The following SMURF2 variants were observed in gnomAD, a reference collection of about 807,000 sequenced individuals.
SMURF2 encodes SMAD specific E3 ubiquitin protein ligase 2, also known as E3 ubiquitin-protein ligase SMURF2.
Under a neutral mutation model 109.6 loss-of-function variants are expected in SMURF2, and 48 were observed. The ratio of observed to expected loss-of-function variants is 0.44; its 90% confidence interval spans 0.35 to 0.56. The LOEUF is 0.56. Ranked by LOEUF, SMURF2 falls within the 20% of genes least tolerant of loss-of-function variation. The pLI is 0.01. For synonymous variants in SMURF2, 288 were observed against 317.1 expected, an observed-to-expected ratio of 0.91 and a Z score of 0.97; for missense variants, 575 against 909.0, an observed-to-expected ratio of 0.63 and a Z score of 4.72.
In SMURF2 at chr17:64,629,373, G is replaced by A. The variant is rs557384026; in HGVS notation, c.53-22733C>T. On this transcript the variant is annotated intron_variant, in intron 1 of 18. Transcript: ENST00000262435. ...TTTTTAATTAGCCAGGCATGGTGGCGCTTGCCTGTAGTCCCAGCTACCTGG... is the reference window on the plus strand; with the variant it reads ...TTTTTAATTAGCCAGGCATGGTGGCACTTGCCTGTAGTCCCAGCTACCTGG... Among the ~76,000 whole-genome samples the A allele has an allele frequency of 9.9e-5, 15 of 152,174 alleles. No homozygotes were observed. The South Asian group carries it at 2.3e-3, about 23-fold the overall frequency.
chr17:64,566,564 T>TTTTTTTG (rs1555684984), intron 10 of SMURF2, among the ~76,000 whole-genome samples: 2 of 49,432 alleles, frequency 4.0e-5, no homozygotes, highest in Non-Finnish European at 8.7e-5. Flanking sequence ...CTTTCTGGTT[T>TTTTTTTG]TTTTTTTTTT....
Position 64,555,960 on chromosome 17 carries a change from C to T in SMURF2, c.1470G>A (p.Met490Ile). ...LSYFHFVGRI[M>I]GMAVFHGHYI... ...AATGTCCATGAAACACAGCCATTCC[C>T]ATTATTCGTCCAACAAAGTGGAAAT... Residue 490 changes from methionine to isoleucine, a missense_variant, in exon 14 of 19, where the codon ATG (methionine) becomes ATA (isoleucine). Around this residue, in one of 5 missense-constraint regions of SMURF2, gnomAD observed 361 missense variants for 612.1 expected, o/e 0.59. Transcript: ENST00000262435. The T allele has an allele frequency of 6.2e-7, 1 of 1,612,928 alleles. No homozygotes were observed. Among genetic ancestry groups the T allele is most frequent in the Non-Finnish European group, 8.5e-7 (1 of 1,179,374 alleles).
intron 7 of SMURF2, among the ~76,000 whole-genome samples, chr17:64,582,646 C>T (rs565450807): frequency 2.0e-5 from 3 of 152,156 alleles, no homozygotes; most frequent in South Asian, 2.1e-4. Flanking sequence ...TCGCCCAGGC[C>T]GGAGTGCAGT....
intron 1 of SMURF2, among the ~76,000 whole-genome samples, chr17:64,628,079 T>A (rs1402599108): frequency 6.6e-6 from 1 of 152,214 alleles, no homozygotes; most frequent in Non-Finnish European, 1.5e-5. Context: ...GAGAACATAG[T>A]AAGCCCTGGT....
At chr17:64,569,936 C>T (rs1969375189) in intron 10 of SMURF2, among the ~76,000 whole-genome samples, 1 of 152,204 alleles carries the variant, frequency 6.6e-6, no homozygotes, top group African/African-American at 2.4e-5. Flanking sequence ...ACAGTCCATA[C>T]TTCTCTGTTT....
rs1969532386 is a variant in SMURF2, at chr17:64,578,593, C to A, written c.773-17G>T. 6.4e-7 allele frequency: 1 copy of A among 1,555,480 alleles called. No homozygotes were observed. Among genetic ancestry groups the A allele is most frequent in the Non-Finnish European group, 8.9e-7 (1 of 1,126,912 alleles). ...TCCTCTGTTCTGTAAAATTAATAAA[C>A]ACTGATAACAAAAACATTCAGAGTG... On this transcript the variant is annotated splice_polypyrimidine_tract_variant and intron_variant, in intron 8 of 18. Transcript: ENST00000262435.
In SMURF2 at chr17:64,613,672, C is replaced by CTGTGTG. The variant is rs1568195473; in HGVS notation, c.53-7033_53-7032insCACACA. Among the ~76,000 whole-genome samples, 13 of 53,722 alleles carry CTGTGTG rather than the reference C, an allele frequency of 2.4e-4. 1 individual carries two copies. Among genetic ancestry groups the CTGTGTG allele is most frequent in the Admixed American group, 5.9e-4 (2 of 3,400 alleles). 35.2% of individuals were successfully genotyped at this position (53,722 alleles called of 152,430 possible). A position where few individuals can be genotyped will look rare whatever the true frequency, so the allele number is the denominator to read the frequency against. On this transcript the variant is annotated intron_variant, in intron 1 of 18. Transcript: ENST00000262435. Reference sequence around the variant, plus strand: ...CATGGAAGACAAGTTTTCCACGGACCAGTGTGTGTGTGTGTGTGTGTGTGT... The same window carrying CTGTGTG: ...CATGGAAGACAAGTTTTCCACGGACCTGTGTGAGTGTGTGTGTGTGTGTGTGTGTGT...
In SMURF2 at chr17:64,591,530, T is replaced by G. The variant is rs139223840; in HGVS notation, c.335-381A>C. 3.9e-4 allele frequency among the ~76,000 whole-genome samples: 60 copies of G among 152,322 alleles called. No homozygotes were observed. The East Asian group carries it at 9.6e-3, about 24-fold the overall frequency. On this transcript the variant is annotated intron_variant, in intron 4 of 18. Coordinates refer to ENST00000262435, the MANE Select transcript of SMURF2 (RefSeq NM_022739.4). Reference sequence around the variant, plus strand: ...CAAATGTTAGTTGTCATTATCATTTTTTAACTAACCATTTCAAATGACATG... The same window carrying G: ...CAAATGTTAGTTGTCATTATCATTTGTTAACTAACCATTTCAAATGACATG...
intron 1 of SMURF2, among the ~76,000 whole-genome samples, chr17:64,629,619 AT>A (rs1425084958): frequency 1.3e-5 from 2 of 152,206 alleles, no homozygotes; most frequent in Non-Finnish European, 2.9e-5. Context: ...TAATCAGAAG[AT>A]TTTAGAAACT....
chr17:64,639,178 A>G (rs1970460999), intron 1 of SMURF2, among the ~76,000 whole-genome samples: 1 of 152,212 alleles, frequency 6.6e-6, no homozygotes, highest in Non-Finnish European at 1.5e-5. Flanking sequence ...TATAATATTT[A>G]TGAATTTTCT....
chr17:64,652,919 A>G (rs1196225401), intron 1 of SMURF2, among the ~76,000 whole-genome samples: 2 of 152,236 alleles, frequency 1.3e-5, no homozygotes, highest in African/African-American at 4.8e-5. Context: ...TAAAAAATTA[A>G]CTTGAAAATA....
chr17:64,591,190 G>A (rs1969747219), intron 4 of SMURF2, 41 bp from the exon 5 acceptor site: 4 of 1,438,188 alleles, frequency 2.8e-6, no homozygotes, highest in Non-Finnish European at 3.9e-6. Context: ...AAAATTAGCT[G>A]GTATCAGAGA....
At chr17:64,603,582 G>GA (rs1568191499) in intron 2 of SMURF2, among the ~76,000 whole-genome samples, 17 of 144,888 alleles carry the variant, frequency 1.2e-4, no homozygotes, top group Admixed American at 3.5e-4. Flanking sequence ...CTCCGTCGGG[G>GA]GAAAAAAAAA....
At chr17:64,621,261 A>G (rs1315191920) in intron 1 of SMURF2, among the ~76,000 whole-genome samples, 3 of 152,194 alleles carry the variant, frequency 2.0e-5, no homozygotes, top group Admixed American at 2.0e-4. Flanking sequence ...CACAAGCACA[A>G]ATAGGAAAGA....
chr17:64,564,497 C>G (rs1429599075), intron 10 of SMURF2, among the ~76,000 whole-genome samples: 1 of 152,080 alleles, frequency 6.6e-6, no homozygotes, highest in African/African-American at 2.4e-5. Context: ...TGGATTTGAC[C>G]TTATTTGGAA....
At chr17:64,561,831 T>C (rs534360229) in intron 11 of SMURF2, among the ~76,000 whole-genome samples, 86 of 151,842 alleles carry the variant, frequency 5.7e-4, no homozygotes, top group Middle Eastern at 6.9e-3. Context: ...ACTCTGTCTA[T>C]ACAAAAAGTT....
chr17:64,620,992 G>A (rs541159127), intron 1 of SMURF2, among the ~76,000 whole-genome samples: 1 of 152,148 alleles, frequency 6.6e-6, no homozygotes, highest in East Asian at 1.9e-4. Context: ...CCATTCCTTA[G>A]GGCCCAACTA....
chr17:64,661,898 C>CGGCGGG lies in SMURF2; in HGVS notation c.-24_-19dup, dbSNP rs1413968106. 2 of 1,183,328 alleles carry CGGCGGG rather than the reference C, an allele frequency of 1.7e-6. No homozygotes were observed. The highest frequency in any genetic ancestry group is 3.2e-5 in the African/African-American group (2 of 62,140). 73.3% of individuals were successfully genotyped at this position (1,183,328 alleles called of 1,614,324 possible). A position where few individuals can be genotyped will look rare whatever the true frequency, so the allele number is the denominator to read the frequency against. ...TTAGACATGTCCCCGGCGGCGGGGG[C>CGGCGGG]GGCGGGGGCGGCGGGCGGCACGGGG... On this transcript the variant is annotated 5_prime_UTR_variant, in exon 1 of 19. Transcript: ENST00000262435.
chr17:64,568,578 G>A (rs1317682041), intron 10 of SMURF2, among the ~76,000 whole-genome samples: 3 of 152,198 alleles, frequency 2.0e-5, no homozygotes, highest in Non-Finnish European at 4.4e-5. Flanking sequence ...TCAAAGTCTA[G>A]TAGGGGAAGC....
Sources: allele counts gnomAD v4.1 joint callset (sites outside exome capture counted in the v4.1 genomes callset), GRCh38; gene constraint gnomAD v4.1.1; regional missense constraint gnomAD v4.1.1; transcripts MANE v1.5; gene names NCBI Gene and HGNC (gene_info 2026-07-23, HGNC 2026-07-21).